The following TLR6 variants were observed in gnomAD, a reference collection of about 807,000 sequenced individuals.
TLR6 encodes the protein toll like receptor 6, also known as toll-like receptor 6.
TLR6 carries 9 observed loss-of-function variants against 16.1 expected under a neutral mutation model. The ratio of observed to expected loss-of-function variants is 0.56; its 90% CI spans 0.34 to 0.98. TLR6 has a LOEUF of 0.98. Ranked by LOEUF, TLR6 falls within the 50% of genes least tolerant of loss-of-function variation. The pLI is 0.02. For synonymous variants in TLR6, 340 were observed against 338.6 expected (o/e 1.00, Z -0.04); for missense variants, 786 against 921.0 (o/e 0.85, Z 1.90).
exon 2 of TLR6, chr4:38,824,249 TGGA>T (rs1401728685): frequency 2.0e-5 from 3 of 152,400 alleles, no homozygotes; most frequent in East Asian, 3.9e-4. Flanking sequence ...AGGGAACAGG[TGGA>T]GAAGTCTCCC....
chr4:38,837,643 T>C lies in TLR6; in HGVS notation c.-64-8106A>G, dbSNP rs78274979. Among the ~76,000 whole-genome samples, 1,247 of 152,204 alleles carry C rather than the reference T, an allele frequency of 8.2e-3. 22 individuals are homozygous for C. The highest frequency in any genetic ancestry group is 0.028 in the African/African-American group (1,165 of 41,530). ...AATGTAAGACTTGAAAGTATAAAAC[T>C]ACTAAGAGAAAACAGAAGAAATGCT... On this transcript the variant is annotated intron_variant, in intron 1 of 1. Transcript: ENST00000436693.
Position 38,829,371 on chromosome 4 carries a change from C to A in TLR6, c.103G>T (p.Ala35Ser), listed in dbSNP as rs1177484733. 4 of 1,614,078 alleles carry A rather than the reference C, an allele frequency of 2.5e-6. No homozygotes were observed. Among genetic ancestry groups the A allele is most frequent in the East Asian group, 2.2e-5 (1 of 44,880 alleles). ...AGACCTCTTTTTGACTTGTCTACTGCAAATTCATTTCCGTCGGAGAACTGG... is the reference window on the plus strand; with the variant it reads ...AGACCTCTTTTTGACTTGTCTACTGAAAATTCATTTCCGTCGGAGAACTGG... Residue 35 changes from alanine (A) to serine (S), a missense_variant, in exon 2 of 2, where the codon GCA (alanine) becomes TCA (serine). Transcript: ENST00000436693.
chr4:38,868,019 G>T, the TLR6 span: 1 of 422,966 alleles, frequency 2.4e-6, no homozygotes, highest in South Asian at 1.7e-5. Context: ...AGGGTCTGGG[G>T]CGGCGCGGCC....
intron 1 of TLR6, among the ~76,000 whole-genome samples, chr4:38,840,675 T>G (rs1376609137): frequency 1.3e-5 from 2 of 151,586 alleles, no homozygotes; most frequent in African/African-American, 4.8e-5. Context: ...TGTTGTTGAT[T>G]GATCACCAGT....
Position 38,828,778 on chromosome 4 carries a change from A to G in TLR6, c.696T>C (p.Asp232=), listed in dbSNP as rs746441971. The change falls in exon 2 of 2, where the codon GAT becomes GAC. Residue 232 remains aspartate (D), a synonymous_variant. Transcript: ENST00000436693. ...ATTTAATGAAAACTTGACAGTTGTC[A>G]TCATTCAATTTAATATTAGTCAGTT... is the stretch of plus-strand genomic sequence containing the variant. The G allele has an allele frequency of 1.9e-5, 31 of 1,613,648 alleles. No homozygotes were observed. In the Middle Eastern group the frequency reaches 4.9e-4, roughly 26 times the overall value.
intron 1 of TLR6, among the ~76,000 whole-genome samples, chr4:38,848,185 A>T (rs536612529): frequency 4.5e-4 from 69 of 152,350 alleles, no homozygotes; most frequent in African/African-American, 1.6e-3. Flanking sequence ...TCTGGAGTGG[A>T]CCTCCAGCAA....
At chr4:38,838,324 G>A (rs1289215859) in intron 1 of TLR6, among the ~76,000 whole-genome samples, 1 of 152,164 alleles carries the variant, frequency 6.6e-6, no homozygotes, top group Non-Finnish European at 1.5e-5. Flanking sequence ...ATCCACAATA[G>A]CCAAAATATG....
At chr4:38,851,029 A>T (rs1200620875) in intron 1 of TLR6, among the ~76,000 whole-genome samples, 1 of 152,146 alleles carries the variant, frequency 6.6e-6, no homozygotes, top group Admixed American at 6.5e-5. Context: ...AAGCTTATCC[A>T]CCATGATCAA....
At position 38,830,531 on chromosome 4, in the gene TLR6, A is replaced by G. The variant is rs929015784; in HGVS notation, c.-64-994T>C. ...GGAGTTCAAAGCCAGCCTGCGCAAC[A>G]TAGTGAAACTCCATCTCTACAAAAA... On this transcript the variant is annotated intron_variant, in intron 1 of 1. Coordinates refer to ENST00000436693, the Ensembl canonical transcript of TLR6. Among the ~76,000 whole-genome samples, 4 of 152,176 alleles carry G rather than the reference A, an allele frequency of 2.6e-5. No individual in the cohort carries two copies. In the South Asian group the frequency reaches 8.3e-4, roughly 31 times the overall value.
chr4:38,835,234 A>C (rs1360639691), intron 1 of TLR6, among the ~76,000 whole-genome samples: 2 of 152,138 alleles, frequency 1.3e-5, no homozygotes, highest in African/African-American at 2.4e-5. Flanking sequence ...CATTCACCCC[A>C]CCTTCAAAGA....
chr4:38,851,543 A>G (rs1018926451), intron 1 of TLR6, among the ~76,000 whole-genome samples: 2 of 152,240 alleles, frequency 1.3e-5, no homozygotes, highest in African/African-American at 2.4e-5. Context: ...GCAAAGTCTC[A>G]GGATACAAAA....
At chr4:38,835,230 C>A (rs967401316) in intron 1 of TLR6, among the ~76,000 whole-genome samples, 1 of 152,048 alleles carries the variant, frequency 6.6e-6, no homozygotes, top group Admixed American at 6.6e-5. Flanking sequence ...AAGACATTCA[C>A]CCCACCTTCA....
chr4:38,868,015 T>C, the TLR6 span: 1 of 420,346 alleles, frequency 2.4e-6, no homozygotes, highest in East Asian at 8.6e-5. Context: ...GGTGAGGGTC[T>C]GGGGCGGCGC....
chr4:38,849,702 G>A (rs962815711), intron 1 of TLR6, among the ~76,000 whole-genome samples: 6 of 152,122 alleles, frequency 3.9e-5, no homozygotes, highest in African/African-American at 1.4e-4. Flanking sequence ...TAATGGTAAA[G>A]GGATCAATTC....
chr4:38,861,828 C>G, the TLR6 span, among the ~76,000 whole-genome samples: 1 of 152,146 alleles, frequency 6.6e-6, no homozygotes, highest in Non-Finnish European at 1.5e-5. Context: ...ACCCAAGGCT[C>G]AGATTTGGAC....
downstream of TLR6, chr4:38,823,607 A>T (rs1727408239): frequency 6.6e-6 from 1 of 152,264 alleles, no homozygotes; most frequent in Non-Finnish European, 1.5e-5. Context: ...GGACGGGGGA[A>T]TGAGAAGGAA....
At chr4:38,841,045 T>G (rs187447160) in intron 1 of TLR6, among the ~76,000 whole-genome samples, 381 of 152,254 alleles carry the variant, frequency 2.5e-3, no homozygotes, top group African/African-American at 8.8e-3. Flanking sequence ...TTAATTTTTT[T>G]TGGGGGGTGG....
intron 1 of TLR6, among the ~76,000 whole-genome samples, chr4:38,854,009 C>T (rs184616021): frequency 9.2e-4 from 140 of 152,260 alleles, no homozygotes; most frequent in African/African-American, 3.2e-3. Context: ...AAGATATGAA[C>T]AGTAATTATC....
exon 2 of TLR6, chr4:38,829,456 T>C: frequency 6.2e-7 from 1 of 1,611,446 alleles, no homozygotes; most frequent in Non-Finnish European, 8.5e-7. Flanking sequence ...TAACAATAGG[T>C]TCTTTGTCTT....
Sources: gnomAD v4.1 joint callset for allele counts (sites outside exome capture counted in the v4.1 genomes callset) on GRCh38, gnomAD v4.1.1 for gene constraint, MANE v1.5 for transcripts, NCBI Gene and HGNC (gene_info 2026-07-23, HGNC 2026-07-21) for gene names.